The following RBM27 variants were observed in gnomAD, a reference collection of about 807,000 sequenced individuals.
RBM27 encodes the protein RNA binding motif protein 27, also known as RNA-binding protein 27.
A neutral mutation model predicts 135.3 loss-of-function variants in RBM27; 22 were observed. That is an observed-to-expected ratio of 0.16 (90% CI 0.12 to 0.23). The LOEUF (loss-of-function observed/expected upper bound fraction) is 0.23. Ranked by LOEUF, RBM27 falls within the 10% of genes least tolerant of loss-of-function variation. The pLI is 1.00. For missense variants in RBM27, 1,009 were observed against 1,281.0 expected, an observed-to-expected ratio of 0.79 and a Z score of 3.24; for synonymous variants, 481 against 442.4, an observed-to-expected ratio of 1.09 and a Z score of -1.10.
Position 146,269,496 on chromosome 5 carries a change from A to G in RBM27, c.2603A>G (p.Glu868Gly). The stretch of plus-strand genomic sequence containing the variant: ...GCAAATATAATGAAGACTTTGAAAG[A>G]GCTTGGAGAGAAGATCTCACAATTA... ...ERANIMKTLK[E>G]LGEKISQLKD... is the part of the protein sequence containing the mutation. Residue 868 changes from glutamate to glycine, a missense_variant, in exon 17 of 21, where the codon GAG (glutamate) becomes GGG (glycine). Glu to Gly is a moderately conservative substitution (Grantham distance 98). Transcript: ENST00000265271. 6.3e-7 allele frequency: 1 copy of G among 1,585,224 alleles called. No individual in the cohort carries two copies. Among genetic ancestry groups the G allele is most frequent in the Non-Finnish European group, 8.6e-7 (1 of 1,167,964 alleles).
At chr5:146,263,830 C>G (rs1302630012) in intron 14 of RBM27, among the ~76,000 whole-genome samples, 199 bp downstream of exon 14, 1 of 152,018 alleles carries the variant, frequency 6.6e-6, no homozygotes, top group Admixed American at 6.6e-5. Flanking sequence ...GGAGGCTGGG[C>G]GTGGTGGCTC....
chr5:146,271,415 AG>A, intron 18 of RBM27, 67 bp from the exon 19 acceptor site: 1 of 1,359,440 alleles, frequency 7.4e-7, no homozygotes, highest in Non-Finnish European at 1.0e-6. Flanking sequence ...AAAAAAAAAA[AG>A]TTTTCCTTTG....
Position 146,261,484 on chromosome 5 carries a change from AT to A in RBM27, c.1894-23del, listed in dbSNP as rs1758393843. On this transcript the variant is annotated intron_variant, in intron 12 of 20. Coordinates refer to ENST00000265271, the MANE Select transcript of RBM27 (RefSeq NM_018989.2). Reference sequence around the variant, plus strand: ...ATTTAACTATTTTCTGTTTTTGGGAATTTATATTGTTTTATTTTCTTCAAGG... The same window carrying A: ...ATTTAACTATTTTCTGTTTTTGGGAATTATATTGTTTTATTTTCTTCAAGG... The A allele has an allele frequency of 1.9e-6, 3 of 1,583,576 alleles. No individual in the cohort carries two copies. The East Asian group carries it at 6.7e-5, about 36-fold the overall frequency.
chr5:146,236,075 G>A (rs1038922140), intron 7 of RBM27, among the ~76,000 whole-genome samples: 3 of 152,136 alleles, frequency 2.0e-5, no homozygotes, highest in African/African-American at 7.2e-5. Flanking sequence ...AAGCAACATC[G>A]TTTTATATAT....
intron 1 of RBM27, among the ~76,000 whole-genome samples, chr5:146,206,519 A>AT (rs1048211420): frequency 2.2e-5 from 3 of 134,864 alleles, no homozygotes; most frequent in Non-Finnish European, 3.2e-5. Context: ...TCACATGCTT[A>AT]TTTTTTTTAA....
At chr5:146,217,134 T>G (rs1237994016) in intron 1 of RBM27, among the ~76,000 whole-genome samples, 2 of 152,034 alleles carry the variant, frequency 1.3e-5, no homozygotes, top group East Asian at 3.9e-4. Context: ...GCCTGGCTAA[T>G]TTTTGTATTT....
chr5:146,227,088 T>C (rs1350857211), intron 3 of RBM27, among the ~76,000 whole-genome samples: 1 of 152,186 alleles, frequency 6.6e-6, no homozygotes, highest in Non-Finnish European at 1.5e-5. Flanking sequence ...TTCGGCTACA[T>C]TGGGTTCCAT....
chr5:146,217,689 A>G (rs1756273067), intron 1 of RBM27, among the ~76,000 whole-genome samples: 1 of 151,946 alleles, frequency 6.6e-6, no homozygotes, highest in Non-Finnish European at 1.5e-5. Flanking sequence ...AGTGTTTTAT[A>G]GGTTATATAA....
chr5:146,206,699 G>C (rs938607280), intron 1 of RBM27, among the ~76,000 whole-genome samples: 2 of 152,072 alleles, frequency 1.3e-5, no homozygotes, highest in Non-Finnish European at 2.9e-5. Flanking sequence ...TCCTGCCCCA[G>C]CATCACGAGT....
chr5:146,229,817 A>AGGAGTAAGAGTC lies in RBM27; in HGVS notation c.510_521dup (p.Ser171_Arg174dup). The AGGAGTAAGAGTC allele has an allele frequency of 1.2e-6, 2 of 1,614,058 alleles. No individual in the cohort carries two copies. The highest frequency in any genetic ancestry group is 1.3e-5 in the African/African-American group (1 of 75,034). On this transcript the variant is annotated inframe_insertion, in exon 5 of 21. Transcript: ENST00000265271. The stretch of plus-strand genomic sequence containing the variant: ...TGAGAAGTATGACTGGAGAAGAGGC[A>AGGAGTAAGAGTC]GGAGTAAGAGTCGGAGTAAGAGTCG...
chr5:146,261,388 T>C, intron 12 of RBM27, 122 bp from the exon 13 acceptor site: 1 of 802,746 alleles, frequency 1.2e-6, no homozygotes, highest in Non-Finnish European at 2.0e-6. Flanking sequence ...AAAACAGTAA[T>C]GTTGGAGTTT....
At chr5:146,230,597 T>C in intron 5 of RBM27, 60 bp from the exon 6 acceptor site, 1 of 1,532,386 alleles carries the variant, frequency 6.5e-7, no homozygotes, top group Admixed American at 1.8e-5. Flanking sequence ...ATAAATATAG[T>C]TTAAGAACAT....
At chr5:146,268,934 T>C (rs1758741595) in intron 15 of RBM27, among the ~76,000 whole-genome samples, 1 of 152,200 alleles carries the variant, frequency 6.6e-6, no homozygotes, top group Admixed American at 6.5e-5. Context: ...GAAAACAACT[T>C]TGGTTTTTCT....
chr5:146,251,033 C>T (rs1757863103), intron 8 of RBM27, among the ~76,000 whole-genome samples: 1 of 149,164 alleles, frequency 6.7e-6, no homozygotes, highest in Non-Finnish European at 1.5e-5. Flanking sequence ...CCTCGGCCTC[C>T]CAAAGTGCTG....
rs532778746 is a variant in RBM27 at position 146,203,654 on chromosome 5, G to T, written c.-112G>T. On this transcript the variant is annotated 5_prime_UTR_variant, in exon 1 of 21. It removes an upstream start codon present in the reference 5' UTR. Transcript: ENST00000265271. ...GGAGTAGGTTGAAGTCTCCTAAGAT[G>T]CCCGGTGGGCTGGGGCACCGGGAGC... 6.9e-5 allele frequency: 68 copies of T among 981,438 alleles called. No homozygotes were observed. The highest frequency in any genetic ancestry group is 4.6e-4 in the East Asian group (17 of 37,340). 60.8% of individuals were successfully genotyped at this position (981,438 alleles called of 1,614,324 possible). A position where few individuals can be genotyped will look rare whatever the true frequency, so the allele number is the denominator to read the frequency against.
intron 1 of RBM27, among the ~76,000 whole-genome samples, chr5:146,217,387 T>A (rs1482384143): frequency 6.6e-6 from 1 of 151,884 alleles, no homozygotes; most frequent in Non-Finnish European, 1.5e-5. Context: ...GTAAAGGTAC[T>A]GGTGCTTGGT....
At position 146,205,553 on chromosome 5, in the gene RBM27, G is replaced by T. The variant is rs889649978; in HGVS notation, c.59+1729G>T. On this transcript the variant is annotated intron_variant, in intron 1 of 20. Coordinates refer to ENST00000265271, the MANE Select transcript of RBM27 (RefSeq NM_018989.2). The stretch of plus-strand genomic sequence containing the variant: ...TGAAAATGACTGAACACACTTGAAG[G>T]TTTTGTAGAAGAATATAGGTCTCTT... 5.3e-5 allele frequency among the ~76,000 whole-genome samples: 8 copies of T among 152,102 alleles called. No individual in the cohort carries two copies. In the East Asian group the frequency reaches 1.4e-3, roughly 26 times the overall value.
In RBM27 at chr5:146,229,802, G is replaced by A; in HGVS notation, c.481G>A (p.Asp161Asn). 6.2e-7 allele frequency: 1 copy of A among 1,613,986 alleles called. No individual in the cohort carries two copies. Among genetic ancestry groups the A allele is most frequent in the Non-Finnish European group, 8.5e-7 (1 of 1,179,966 alleles). ...ERNELYREKY[D>N]WRRGRSKSRS... is the part of the protein sequence containing the mutation. ...GAATGAATTGTACCGTGAGAAGTAT[G>A]ACTGGAGAAGAGGCAGGAGTAAGAG... The change falls in exon 5 of 21, where the codon GAC (aspartate) becomes AAC (asparagine). Residue 161 changes from aspartate (D) to asparagine (N), a missense_variant. By Grantham distance (23) the Asp-to-Asn change is conservative. Coordinates refer to ENST00000265271, the MANE Select transcript of RBM27 (RefSeq NM_018989.2).
chr5:146,226,345 T>G (rs1412288486), intron 3 of RBM27, among the ~76,000 whole-genome samples: 2 of 152,234 alleles, frequency 1.3e-5, no homozygotes, highest in East Asian at 3.9e-4. Flanking sequence ...GCAGCTGATT[T>G]GAATATGAGA....
Sources: allele counts gnomAD v4.1 joint callset (sites outside exome capture counted in the v4.1 genomes callset), GRCh38; gene constraint gnomAD v4.1.1; transcripts MANE v1.5; gene names NCBI Gene and HGNC (gene_info 2026-07-23, HGNC 2026-07-21).